Variants in CADM2 observed in about 807,000 individuals in gnomAD.
CADM2 encodes the protein cell adhesion molecule 2.
In CADM2, 12 loss-of-function variants were observed where a neutral mutation model predicts 49.8. The observed-to-expected ratio is 0.24, with a 90% CI of 0.15 to 0.39. CADM2 has a LOEUF of 0.39. Among genes scored for constraint, CADM2 ranks in the 10% least tolerant of loss-of-function variants. The pLI, the probability that CADM2 is intolerant of heterozygous loss-of-function variation, is 1.00. For synonymous variants in CADM2, 214 were observed against 175.4 expected, an observed-to-expected ratio of 1.22 and a Z score of -1.74; for missense variants, 378 against 492.3, an observed-to-expected ratio of 0.77 and a Z score of 2.20.
In CADM2 at chr3:85,237,089, A is replaced by G. The variant is rs1260672426; in HGVS notation, c.61+277421A>G. ...TATAAGGCAATTGAGGCTTTGATCTATTAAGTAATTTGCTCAAGGCCACAC... is the reference window on the plus strand; with the variant it reads ...TATAAGGCAATTGAGGCTTTGATCTGTTAAGTAATTTGCTCAAGGCCACAC... On this transcript the variant is annotated intron_variant, in intron 1 of 9. Coordinates refer to ENST00000383699, the MANE Select transcript of CADM2 (RefSeq NM_001167675.2). 2.0e-5 allele frequency among the ~76,000 whole-genome samples: 3 copies of G among 152,094 alleles called. No homozygotes were observed. In the East Asian group the frequency reaches 5.8e-4, roughly 29 times the overall value.
intron 7 of CADM2, among the ~76,000 whole-genome samples, chr3:85,959,311 C>G (rs1298117839): frequency 2.6e-5 from 4 of 151,900 alleles, no homozygotes; most frequent in Non-Finnish European, 5.9e-5. Context: ...AATACAGAAG[C>G]TCTCCAAACC....
rs1713063805 is a variant in CADM2, at chr3:85,883,178, T to G, written c.239-113T>G. 6 of 758,960 alleles carry G rather than the reference T, an allele frequency of 7.9e-6. No individual in the cohort carries two copies. In the South Asian group the frequency reaches 1.3e-4, roughly 16 times the overall value. 47.0% of individuals were successfully genotyped at this position (758,960 alleles called of 1,614,324 possible). A position where few individuals can be genotyped will look rare whatever the true frequency, so the allele number is the denominator to read the frequency against. On this transcript the variant is annotated intron_variant, in intron 3 of 9. Transcript: ENST00000383699. ...TTTAAACTGTTCCAAGAAATAAGAT[T>G]TGAATGTATGGCCAAAGAAAACATT...
intron 1 of CADM2, among the ~76,000 whole-genome samples, chr3:85,105,701 C>G (rs2107555208): frequency 6.6e-6 from 1 of 152,272 alleles, no homozygotes; most frequent in South Asian, 2.1e-4. Flanking sequence ...ACCCAAATGT[C>G]CAACAATGAT....
intron 1 of CADM2, among the ~76,000 whole-genome samples, chr3:85,444,340 T>C (rs2037346644): frequency 6.6e-6 from 1 of 151,910 alleles, no homozygotes; most frequent in Non-Finnish European, 1.5e-5. Context: ...CAAATGAAAA[T>C]AAAATCTAAT....
At chr3:85,745,695 A>G in intron 2 of CADM2, among the ~76,000 whole-genome samples, 1 of 152,126 alleles carries the variant, frequency 6.6e-6, no homozygotes, top group Non-Finnish European at 1.5e-5. Flanking sequence ...GCGATACCCC[A>G]TCTCTACAAA....
chr3:85,084,274 G>A (rs1234622523), intron 1 of CADM2, among the ~76,000 whole-genome samples: 1 of 152,098 alleles, frequency 6.6e-6, no homozygotes, highest in Middle Eastern at 3.2e-3. Flanking sequence ...TTTCCCCTTA[G>A]AGTATCTGAA....
At position 85,477,804 on chromosome 3, in the gene CADM2, G is replaced by T. The variant is rs781033589; in HGVS notation, c.62-248718G>T. 2.7e-4 allele frequency among the ~76,000 whole-genome samples: 41 copies of T among 151,786 alleles called. 1 individual carries two copies. Among genetic ancestry groups the T allele is most frequent in the Admixed American group, 1.2e-3 (18 of 15,196 alleles). On this transcript the variant is annotated intron_variant, in intron 1 of 9. Coordinates refer to ENST00000383699, the MANE Select transcript of CADM2 (RefSeq NM_001167675.2). ...GTACAACCAACAAGTCAGATATTCTGACCCCTGAATAATTTAGCAGAAACT... is the reference window on the plus strand; with the variant it reads ...GTACAACCAACAAGTCAGATATTCTTACCCCTGAATAATTTAGCAGAAACT...
intron 1 of CADM2, among the ~76,000 whole-genome samples, chr3:85,118,339 A>G (rs1262258519): frequency 1.3e-5 from 2 of 152,282 alleles, no homozygotes; most frequent in South Asian, 2.1e-4. Flanking sequence ...AACCATGTGT[A>G]TTAGTCTGTT....
chr3:85,095,430 C>T (rs1032660799), intron 1 of CADM2, among the ~76,000 whole-genome samples: 1 of 152,212 alleles, frequency 6.6e-6, no homozygotes, highest in East Asian at 1.9e-4. Context: ...AACTATGAAA[C>T]ATTCTCCTAT....
At chr3:84,995,050 A>G (rs149210296) in intron 1 of CADM2, among the ~76,000 whole-genome samples, 592 of 152,220 alleles carry the variant, frequency 3.9e-3, no homozygotes, top group Non-Finnish European at 5.5e-3. Flanking sequence ...TAAATAAATA[A>G]AAGAATATGT....
At chr3:85,534,515 A>G (rs2061384936) in intron 1 of CADM2, among the ~76,000 whole-genome samples, 1 of 152,186 alleles carries the variant, frequency 6.6e-6, no homozygotes, top group Non-Finnish European at 1.5e-5. Context: ...ATTATTGTGA[A>G]TAAAGAATTA....
intron 1 of CADM2, among the ~76,000 whole-genome samples, chr3:84,972,661 T>C (rs551109937): frequency 1.3e-5 from 2 of 152,354 alleles, no homozygotes; most frequent in African/African-American, 4.8e-5. Context: ...GCATTTCATG[T>C]ACATTAAAAA....
At chr3:85,168,016 A>G (rs549279911) in intron 1 of CADM2, among the ~76,000 whole-genome samples, 4 of 152,198 alleles carry the variant, frequency 2.6e-5, no homozygotes, top group African/African-American at 9.6e-5. Context: ...AGTGGTACCT[A>G]TTATTACATA....
At chr3:85,569,721 A>G (rs1364995464) in intron 1 of CADM2, among the ~76,000 whole-genome samples, 2 of 151,760 alleles carry the variant, frequency 1.3e-5, no homozygotes, top group African/African-American at 2.4e-5. Flanking sequence ...AAAAGAAAAA[A>G]AAAAGAAAAT....
intron 2 of CADM2, among the ~76,000 whole-genome samples, chr3:85,756,229 G>A (rs375583949): frequency 2.7e-4 from 41 of 152,140 alleles, no homozygotes; most frequent in African/African-American, 9.9e-4. Context: ...AAAGTTCAGG[G>A]TGACCTTTAG....
intron 1 of CADM2, among the ~76,000 whole-genome samples, chr3:85,134,087 C>T (rs1026921801): frequency 1.3e-5 from 2 of 152,222 alleles, no homozygotes; most frequent in Non-Finnish European, 2.9e-5. Context: ...GTACACCCTC[C>T]GCAGCCGCTG....
At chr3:85,535,690 G>A (rs1356725376) in intron 1 of CADM2, among the ~76,000 whole-genome samples, 1 of 152,066 alleles carries the variant, frequency 6.6e-6, no homozygotes, top group Non-Finnish European at 1.5e-5. Flanking sequence ...CTGGTAGGAT[G>A]CCATATTTCC....
At chr3:85,442,717 A>T (rs1177896962) in intron 1 of CADM2, among the ~76,000 whole-genome samples, 1 of 149,702 alleles carries the variant, frequency 6.7e-6, no homozygotes, top group Non-Finnish European at 1.5e-5. Flanking sequence ...TTTAAGTGTT[A>T]AATATAGTAT....
chr3:85,869,147 T>C (rs2075826331), intron 3 of CADM2, among the ~76,000 whole-genome samples: 2 of 152,190 alleles, frequency 1.3e-5, no homozygotes, highest in Admixed American at 6.5e-5. Flanking sequence ...TTGTCTGTTA[T>C]GGTAATGCTA....
Sources: allele counts gnomAD v4.1 joint callset (sites outside exome capture counted in the v4.1 genomes callset), GRCh38; gene constraint gnomAD v4.1.1; transcripts MANE v1.5; gene names NCBI Gene and HGNC (gene_info 2026-07-23, HGNC 2026-07-21).